The following TANK variants were observed in gnomAD, a reference collection of about 807,000 sequenced individuals.
The protein encoded by TANK is TRAF family member associated NFKB activator, also known as TRAF family member-associated NF-kappa-B activator.
Under a neutral mutation model 43.6 loss-of-function variants are expected in TANK, and 15 were observed. The ratio of observed to expected loss-of-function variants is 0.34; its 90% CI spans 0.23 to 0.53. The LOEUF is 0.53. Among genes scored for constraint, TANK ranks in the 20% least tolerant of loss-of-function variants. TANK has a pLI of 0.94. For missense variants in TANK, 417 were observed against 498.6 expected, an observed-to-expected ratio of 0.84 and a Z score of 1.56; for synonymous variants, 162 against 178.2, an observed-to-expected ratio of 0.91 and a Z score of 0.73.
chr2:161,211,721 ATCTTTTATCATACAGAAATGGTGATTAT>A (rs1686896162), intron 4 of TANK: 1 of 976,818 alleles, frequency 1.0e-6, no homozygotes, highest in Non-Finnish European at 1.2e-6. Flanking sequence ...AATCTTTTCT[ATCTTTTATCATACAGAAATGGTGATTAT>A]GCACACTGTA....
At chr2:161,168,072 G>A (rs1334393189) in intron 1 of TANK, among the ~76,000 whole-genome samples, 2 of 152,144 alleles carry the variant, frequency 1.3e-5, no homozygotes, top group East Asian at 3.8e-4. Context: ...TCTAACGTAT[G>A]GCATTTTATG....
intron 4 of TANK, chr2:161,211,927 T>A (rs1278880577): frequency 7.1e-6 from 7 of 980,934 alleles, no homozygotes; most frequent in Non-Finnish European, 8.5e-6. Context: ...TATATAATGC[T>A]TCTGTATTAC....
At chr2:161,160,397 C>T (rs1010051511), upstream of TANK, 62 of 1,240,562 alleles carry the variant, frequency 5.0e-5, no homozygotes, top group Middle Eastern at 3.1e-4. Context: ...GCCCTCTGAA[C>T]TGGAACAAAA....
intron 4 of TANK, among the ~76,000 whole-genome samples, chr2:161,213,454 T>A (rs2105363284): frequency 6.6e-6 from 1 of 152,088 alleles, no homozygotes; most frequent in Middle Eastern, 3.4e-3. Context: ...AATACAAAAA[T>A]TAGCCAGGCA....
At chr2:161,178,905 T>G (rs987528166) in intron 1 of TANK, among the ~76,000 whole-genome samples, 1 of 152,176 alleles carries the variant, frequency 6.6e-6, no homozygotes, top group Non-Finnish European at 1.5e-5. Flanking sequence ...GTTAGCCTTC[T>G]GCTCAGAGCC....
intron 6 of TANK, among the ~76,000 whole-genome samples, chr2:161,226,642 A>T (rs531074609): frequency 2.0e-5 from 3 of 152,254 alleles, no homozygotes; most frequent in Non-Finnish European, 2.9e-5. Flanking sequence ...GATATGATTC[A>T]TTTGAAAATA....
intron 4 of TANK, among the ~76,000 whole-genome samples, chr2:161,209,707 A>G (rs935130850): frequency 5.9e-5 from 9 of 152,324 alleles, no homozygotes; most frequent in African/African-American, 1.4e-4. Context: ...GTAGAAAGCA[A>G]TAATATAGAA....
chr2:161,173,075 A>G (rs1271135437), intron 1 of TANK, among the ~76,000 whole-genome samples: 3 of 152,148 alleles, frequency 2.0e-5, no homozygotes, highest in Admixed American at 6.5e-5. Context: ...TTCGAGGTCT[A>G]CTATAGTCTA....
At chr2:161,208,215 G>C in intron 4 of TANK, 1 of 985,418 alleles carries the variant, frequency 1.0e-6, no homozygotes, top group Non-Finnish European at 1.2e-6. Context: ...GAGACACAAA[G>C]TAGAGGCAAG....
At chr2:161,206,486 T>A (rs1686659612) in intron 4 of TANK, among the ~76,000 whole-genome samples, 1 of 152,152 alleles carries the variant, frequency 6.6e-6, no homozygotes, top group African/African-American at 2.4e-5. Context: ...CTATTTAACA[T>A]CAAATCTGAG....
intron 1 of TANK, among the ~76,000 whole-genome samples, chr2:161,170,453 ACTT>A (rs1684894044): frequency 6.6e-6 from 1 of 152,160 alleles, no homozygotes; most frequent in Non-Finnish European, 1.5e-5. Flanking sequence ...AATTCTATAT[ACTT>A]CTTGTAGAAT....
At chr2:161,203,701 G>A (rs1165674113) in intron 3 of TANK, 106 bp downstream of exon 3, 3 of 678,692 alleles carry the variant, frequency 4.4e-6, no homozygotes, top group Non-Finnish European at 7.5e-6. Flanking sequence ...CAATAGTTTT[G>A]ATATTATAAC....
intron 6 of TANK, among the ~76,000 whole-genome samples, chr2:161,225,163 A>C (rs1244527598): frequency 1.3e-5 from 2 of 152,166 alleles, no homozygotes; most frequent in East Asian, 3.8e-4. Flanking sequence ...TTATAACATC[A>C]GGTTTGTTTG....
intron 1 of TANK, among the ~76,000 whole-genome samples, chr2:161,147,142 G>T (rs1179486022): frequency 2.0e-5 from 3 of 152,116 alleles, no homozygotes; most frequent in African/African-American, 7.2e-5. Flanking sequence ...GGGTGTGGGA[G>T]TTACTGCTTG....
At chr2:161,172,641 A>G (rs749203326) in intron 1 of TANK, among the ~76,000 whole-genome samples, 8 of 151,920 alleles carry the variant, frequency 5.3e-5, no homozygotes, top group Non-Finnish European at 7.4e-5. Flanking sequence ...ACCACTTTCT[A>G]CTGGGTGTTT....
At chr2:161,227,356 A>G (rs1443478609) in intron 6 of TANK, among the ~76,000 whole-genome samples, 10 of 152,122 alleles carry the variant, frequency 6.6e-5, no homozygotes. Flanking sequence ...CATTTCTGTC[A>G]ATTTGGGGAC....
chr2:161,212,940 AC>A (rs1686956851), intron 4 of TANK, among the ~76,000 whole-genome samples: 1 of 152,260 alleles, frequency 6.6e-6, no homozygotes, highest in African/African-American at 2.4e-5. Flanking sequence ...TTGGACATTG[AC>A]ATCTGGCAAG....
chr2:161,200,380 A>T, intron 2 of TANK: 1 of 984,424 alleles, frequency 1.0e-6, no homozygotes, highest in Non-Finnish European at 1.2e-6. Flanking sequence ...GTTTAGGCAG[A>T]TATGTTCTGT....
At chr2:161,140,719 A>C (rs1683722059) in intron 1 of TANK, among the ~76,000 whole-genome samples, 1 of 152,084 alleles carries the variant, frequency 6.6e-6, no homozygotes, top group Admixed American at 6.6e-5. Context: ...AACATCTTAC[A>C]ACTTCTGATA....
Sources: gnomAD v4.1 joint callset for allele counts (sites outside exome capture counted in the v4.1 genomes callset) on GRCh38, gnomAD v4.1.1 for gene constraint, MANE v1.5 for transcripts, NCBI Gene and HGNC (gene_info 2026-07-23, HGNC 2026-07-21) for gene names.